GLT1D1: variants seen among roughly 807,000 people sequenced by gnomAD.
GLT1D1 encodes glycosyltransferase 1 domain containing 1, also known as glycosyltransferase 1 domain-containing protein 1.
GLT1D1 carries 21 observed loss-of-function variants against 28.7 expected under a neutral mutation model. The ratio of observed to expected loss-of-function variants is 0.73; its 90% CI spans 0.52 to 1.05. The LOEUF is 1.05. GLT1D1 is among the 50% of genes least tolerant of loss of function. GLT1D1 has a pLI of 0.00. For missense variants in GLT1D1, 343 were observed against 330.6 expected, an observed-to-expected ratio of 1.04 and a Z score of -0.29; for synonymous variants, 147 against 124.8, an observed-to-expected ratio of 1.18 and a Z score of -1.19.
chr12:128,936,109 T>C (rs2135469388), intron 4 of GLT1D1, among the ~76,000 whole-genome samples: 1 of 152,136 alleles, frequency 6.6e-6, no homozygotes, highest in Admixed American at 6.5e-5. Flanking sequence ...GTGCCTGGAA[T>C]AGTGCCTGGT....
chr12:128,871,857 G>A (rs1238002894), intron 1 of GLT1D1, among the ~76,000 whole-genome samples: 1 of 151,954 alleles, frequency 6.6e-6, no homozygotes, highest in Non-Finnish European at 1.5e-5. Flanking sequence ...AAAGAAAAAA[G>A]GGCTAGGTTG....
At chr12:128,864,513 G>C (rs1956467619) in intron 1 of GLT1D1, among the ~76,000 whole-genome samples, 1 of 152,192 alleles carries the variant, frequency 6.6e-6, no homozygotes, top group Admixed American at 6.5e-5. Flanking sequence ...GTCTGATCTT[G>C]TTCCGCAGGA....
chr12:128,943,280 C>T (rs1250672346), intron 4 of GLT1D1, among the ~76,000 whole-genome samples: 1 of 152,010 alleles, frequency 6.6e-6, no homozygotes, highest in Non-Finnish European at 1.5e-5. Flanking sequence ...GTTTCCCAGG[C>T]ATATCTCATC....
chr12:128,903,498 T>C (rs1054762033), intron 4 of GLT1D1, among the ~76,000 whole-genome samples: 1 of 151,572 alleles, frequency 6.6e-6, no homozygotes, highest in African/African-American at 2.4e-5. Context: ...AGGGGGAGAA[T>C]TGATGGCCTC....
At chr12:128,874,059 C>CCCTTCTTTCTTTCTTT (rs1555261542) in intron 1 of GLT1D1, among the ~76,000 whole-genome samples, 1 of 34,694 alleles carries the variant, frequency 2.9e-5, no homozygotes, top group African/African-American at 1.5e-4. Context: ...CTCCCTCCCT[C>CCCTTCTTTCTTTCTTT]CTTTCTTTCT....
intron 6 of GLT1D1, among the ~76,000 whole-genome samples, chr12:128,951,105 C>T (rs193196040): frequency 6.6e-6 from 1 of 152,214 alleles, no homozygotes; most frequent in African/African-American, 2.4e-5. Context: ...AGATGTGTAT[C>T]GAAACATCAT....
intron 4 of GLT1D1, among the ~76,000 whole-genome samples, chr12:128,908,390 T>TTC (rs202056151): frequency 7.5e-6 from 1 of 133,370 alleles, no homozygotes; most frequent in African/African-American, 3.0e-5. Flanking sequence ...TTCTCTTTCT[T>TTC]TCTCTCTCTC....
intron 2 of GLT1D1, among the ~76,000 whole-genome samples, chr12:128,887,987 G>A (rs527420388): frequency 6.6e-6 from 1 of 151,780 alleles, no homozygotes; most frequent in South Asian, 2.1e-4. Flanking sequence ...CTCATGAAAT[G>A]TTCATCAAGG....
chr12:128,944,143 A>T lies in GLT1D1; in HGVS notation c.376-1183A>T, dbSNP rs143085628. 241 of 317,816 alleles carry T rather than the reference A, an allele frequency of 7.6e-4. 1 individual carries two copies. The highest frequency in any genetic ancestry group is 4.9e-3 in the African/African-American group (229 of 46,270). The allele number at this position is 317,816 out of a possible 1,614,324, so 19.7% of individuals were successfully genotyped here. On this transcript the variant is annotated intron_variant, in intron 4 of 7. Coordinates refer to ENST00000281703, the MANE Select transcript of GLT1D1 (RefSeq NM_144669.3). ...CCTTAGTATCTAGAATCAAATCAGT[A>T]GAAATAAAAGTCATATAATTTTCAA...
intron 6 of GLT1D1, among the ~76,000 whole-genome samples, chr12:128,951,067 T>G (rs1304564302): frequency 6.6e-6 from 1 of 152,168 alleles, no homozygotes; most frequent in Non-Finnish European, 1.5e-5. Context: ...CATATGTTAA[T>G]TAGCTTGCTT....
intron 4 of GLT1D1, among the ~76,000 whole-genome samples, chr12:128,939,837 A>ACCGCCCCC (rs1555271943): frequency 1.0e-5 from 1 of 97,600 alleles, no homozygotes; most frequent in African/African-American, 4.7e-5. Context: ...ATTGTTAGAA[A>ACCGCCCCC]CCCCCCCCCA....
rs545412595 is a variant in GLT1D1 at position 128,939,254 on chromosome 12, A to G, written c.376-6072A>G. Among the ~76,000 whole-genome samples the G allele has an allele frequency of 1.4e-3, 218 of 152,194 alleles. 1 individual carries two copies. The highest frequency in any genetic ancestry group is 5.1e-3 in the African/African-American group (210 of 41,508). On this transcript the variant is annotated intron_variant, in intron 4 of 7. Coordinates refer to ENST00000281703, the MANE Select transcript of GLT1D1 (RefSeq NM_144669.3). The stretch of plus-strand genomic sequence containing the variant: ...CAGTGTCACTTAATCTCAGATGTGT[A>G]CTTAATCTCAAAAGTACACATTTGA...
Position 128,908,720 on chromosome 12 carries a change from A to C in GLT1D1, c.375+9433A>C, listed in dbSNP as rs557268976. 1.5e-4 allele frequency among the ~76,000 whole-genome samples: 22 copies of C among 151,716 alleles called. No homozygotes were observed. In the South Asian group the frequency reaches 1.5e-3, roughly 10 times the overall value. On this transcript the variant is annotated intron_variant, in intron 4 of 7. Transcript: ENST00000281703. Reference sequence around the variant, plus strand: ...ATCCCAGCACTTTGGGAGGCCGAGGAGGGCGGATCACGAGGTCAGGAGATC... The same window carrying C: ...ATCCCAGCACTTTGGGAGGCCGAGGCGGGCGGATCACGAGGTCAGGAGATC...
intron 4 of GLT1D1, among the ~76,000 whole-genome samples, chr12:128,907,727 C>A (rs1011495327): frequency 6.6e-6 from 1 of 152,062 alleles, no homozygotes; most frequent in East Asian, 1.9e-4. Flanking sequence ...CATGTGAGAT[C>A]CCTGGGAATT....
chr12:128,870,129 T>C (rs574164871), intron 1 of GLT1D1, among the ~76,000 whole-genome samples: 1 of 152,194 alleles, frequency 6.6e-6, no homozygotes, highest in South Asian at 2.1e-4. Context: ...CAGGCTGGTC[T>C]CAAACTCCTG....
intron 4 of GLT1D1, among the ~76,000 whole-genome samples, chr12:128,917,894 C>T (rs187576105): frequency 4.9e-4 from 75 of 152,256 alleles, no homozygotes; most frequent in Non-Finnish European, 6.8e-4. Context: ...TTAGTTCAAC[C>T]GTTTTGGAAG....
chr12:128,915,396 G>A (rs1307128026), intron 4 of GLT1D1, among the ~76,000 whole-genome samples: 4 of 147,714 alleles, frequency 2.7e-5, no homozygotes, highest in East Asian at 2.0e-4. Context: ...ATGGAGTCTC[G>A]TTCTGTTGCC....
chr12:128,904,416 A>T (rs1261800357), intron 4 of GLT1D1, among the ~76,000 whole-genome samples: 1 of 151,744 alleles, frequency 6.6e-6, no homozygotes, highest in African/African-American at 2.4e-5. Flanking sequence ...AGTTTGGAAG[A>T]AATCAAGGAA....
chr12:128,978,719 G>GT (rs1457975015), intron 7 of GLT1D1, among the ~76,000 whole-genome samples: 1 of 152,174 alleles, frequency 6.6e-6, no homozygotes, highest in East Asian at 1.9e-4. Context: ...AAGTGAGGGA[G>GT]TAGAAGAATG....
Sources: allele counts gnomAD v4.1 joint callset (sites outside exome capture counted in the v4.1 genomes callset), GRCh38; gene constraint gnomAD v4.1.1; transcripts MANE v1.5; gene names NCBI Gene and HGNC (gene_info 2026-07-23, HGNC 2026-07-21).